CUL1: variants seen among roughly 807,000 people sequenced by gnomAD.
CUL1 encodes the protein cullin-1.
CUL1 carries 24 observed loss-of-function variants against 118.0 expected under a neutral mutation model. The ratio of observed to expected loss-of-function variants is 0.20; its 90% CI spans 0.15 to 0.29. The LOEUF is 0.29. Among genes scored for constraint, CUL1 ranks in the 10% least tolerant of loss-of-function variants. CUL1 has a pLI of 1.00. For missense variants in CUL1, 361 were observed against 933.8 expected, an observed-to-expected ratio of 0.39 and a Z score of 7.99; for synonymous variants, 332 against 340.4, an observed-to-expected ratio of 0.98 and a Z score of 0.27.
intron 11 of CUL1, 53 bp from the exon 12 acceptor site, chr7:148,786,498 C>T (rs1253404818): frequency 7.3e-7 from 1 of 1,371,432 alleles, no homozygotes; most frequent in Non-Finnish European, 1.0e-6. Flanking sequence ...CTAAGTGGTG[C>T]TTGTTTAAAC....
intron 1 of CUL1, among the ~76,000 whole-genome samples, chr7:148,721,664 T>A (rs1798400682): frequency 6.6e-6 from 1 of 152,226 alleles, no homozygotes; most frequent in South Asian, 2.1e-4. Flanking sequence ...TTCGTAGAAG[T>A]ACTCTTTTAA....
intron 2 of CUL1, among the ~76,000 whole-genome samples, chr7:148,734,963 A>G (rs1353833987): frequency 6.6e-6 from 1 of 151,632 alleles, no homozygotes; most frequent in African/African-American, 2.4e-5. Context: ...TGACGTTTCT[A>G]TTTGTCTTCC....
At chr7:148,711,518 A>G (rs911156135) in intron 1 of CUL1, among the ~76,000 whole-genome samples, 4 of 152,224 alleles carry the variant, frequency 2.6e-5, no homozygotes, top group Non-Finnish European at 5.9e-5. Context: ...CTTTAAAACA[A>G]AAAACATAAA....
At chr7:148,771,922 T>C (rs572420531) in intron 9 of CUL1, among the ~76,000 whole-genome samples, 1 of 152,274 alleles carries the variant, frequency 6.6e-6, no homozygotes, top group South Asian at 2.1e-4. Context: ...CACGTGGTCA[T>C]TTTAAAAAGA....
At position 148,746,938 on chromosome 7, in the gene CUL1, G is replaced by A. The variant is rs541237914; in HGVS notation, c.141-7038G>A. Among the ~76,000 whole-genome samples, 2 of 152,306 alleles carry A rather than the reference G, an allele frequency of 1.3e-5. 1 individual carries two copies. The highest frequency in any genetic ancestry group is 4.8e-5 in the African/African-American group (2 of 41,568). On this transcript the variant is annotated intron_variant, in intron 2 of 21. Coordinates refer to ENST00000325222, the MANE Select transcript of CUL1 (RefSeq NM_003592.3). ...TATCTTCAGGTGGACCCGAGAGTGG[G>A]TTTAACTAAGTTTGACAAATAGCTT... is the stretch of plus-strand genomic sequence containing the variant.
intron 2 of CUL1, among the ~76,000 whole-genome samples, chr7:148,747,781 A>G (rs983965599): frequency 6.6e-6 from 1 of 152,236 alleles, no homozygotes; most frequent in Non-Finnish European, 1.5e-5. Context: ...CATTAAAATT[A>G]AACACTAAAT....
intron 1 of CUL1, among the ~76,000 whole-genome samples, chr7:148,705,693 G>A (rs1391862443): frequency 6.6e-6 from 1 of 152,164 alleles, no homozygotes; most frequent in Admixed American, 6.5e-5. Flanking sequence ...TGGAATCCTA[G>A]ATGATGTCAA....
At chr7:148,728,140 T>C (rs1798645990) in intron 1 of CUL1, among the ~76,000 whole-genome samples, 1 of 152,184 alleles carries the variant, frequency 6.6e-6, no homozygotes, top group African/African-American at 2.4e-5. Flanking sequence ...CAGTTGAATG[T>C]GAAAGATGAG....
chr7:148,738,526 C>G (rs923746617), intron 2 of CUL1, among the ~76,000 whole-genome samples: 1 of 152,178 alleles, frequency 6.6e-6, no homozygotes, highest in Non-Finnish European at 1.5e-5. Context: ...TCCCCACCTG[C>G]CTGCGGAGGA....
intron 1 of CUL1, among the ~76,000 whole-genome samples, chr7:148,710,224 C>T (rs919583405): frequency 4.6e-5 from 7 of 152,124 alleles, no homozygotes; most frequent in South Asian, 2.1e-4. Context: ...GGGAAATTGA[C>T]TAGAAAATTT....
At chr7:148,764,830 C>T (rs1315325432) in intron 7 of CUL1, among the ~76,000 whole-genome samples, 1 of 152,142 alleles carries the variant, frequency 6.6e-6, no homozygotes, top group Non-Finnish European at 1.5e-5. Context: ...ACCTACAAGC[C>T]TGGGGCACTG....
At chr7:148,754,855 T>C (rs1187862783) in intron 3 of CUL1, among the ~76,000 whole-genome samples, 1 of 151,936 alleles carries the variant, frequency 6.6e-6, no homozygotes, top group Non-Finnish European at 1.5e-5. Context: ...CAAACAATCC[T>C]CCCGCCTTAG....
chr7:148,760,261 C>A, intron 6 of CUL1, 72 bp from the exon 7 acceptor site: 1 of 1,267,170 alleles, frequency 7.9e-7, no homozygotes, highest in Non-Finnish European at 1.1e-6. Flanking sequence ...CTGAATGCTA[C>A]ACCTAAGTAT....
intron 2 of CUL1, among the ~76,000 whole-genome samples, chr7:148,738,407 G>A (rs948951028): frequency 6.6e-6 from 1 of 152,170 alleles, no homozygotes; most frequent in Non-Finnish European, 1.5e-5. Flanking sequence ...ACAGAAGCAT[G>A]CCTTGGCAGA....
chr7:148,766,512 G>A (rs778226671), intron 7 of CUL1, 49 bp from the exon 8 acceptor site: 16 of 1,477,612 alleles, frequency 1.1e-5, no homozygotes, highest in South Asian at 1.3e-5. Flanking sequence ...AATTGTAACA[G>A]TTCTTTACCA....
chr7:148,744,423 TG>T (rs1443533559), intron 2 of CUL1, among the ~76,000 whole-genome samples: 10 of 138,106 alleles, frequency 7.2e-5, no homozygotes, highest in African/African-American at 2.6e-4. Flanking sequence ...TGTGTGTGTG[TG>T]TGTGTGTGTG....
intron 1 of CUL1, among the ~76,000 whole-genome samples, chr7:148,728,423 T>C (rs1798653781): frequency 6.6e-6 from 1 of 152,146 alleles, no homozygotes; most frequent in South Asian, 2.1e-4. Flanking sequence ...AATTAAGTGA[T>C]GGGGAAAGTA....
rs1459869213 is a variant in CUL1, at chr7:148,725,209, A to ACGCG, written c.-161-4752_-161-4751insGCGC. ...CACATGCGCGCGTGTACACACACAC[A>ACGCG]CACGCGCGCGCTCACACACACACAC... On this transcript the variant is annotated intron_variant, in intron 1 of 21. Coordinates refer to ENST00000325222, the MANE Select transcript of CUL1 (RefSeq NM_003592.3). Among the ~76,000 whole-genome samples the ACGCG allele has an allele frequency of 1.1e-3, 151 of 140,452 alleles. 4 individuals carry two copies. In the South Asian group the frequency reaches 0.019, roughly 18 times the overall value. The allele number at this position is 140,452 out of a possible 152,430, so 92.1% of individuals were successfully genotyped here. A position where few individuals can be genotyped will look rare whatever the true frequency, so the allele number is the denominator to read the frequency against.
At chr7:148,710,029 G>T (rs192400289) in intron 1 of CUL1, among the ~76,000 whole-genome samples, 207 of 152,272 alleles carry the variant, frequency 1.4e-3, no homozygotes, top group African/African-American at 4.6e-3. Context: ...AGATGTTGCA[G>T]TGAGCCGAGG....
Sources: allele counts gnomAD v4.1 joint callset (sites outside exome capture counted in the v4.1 genomes callset), GRCh38; gene constraint gnomAD v4.1.1; transcripts MANE v1.5; gene names NCBI Gene and HGNC (gene_info 2026-07-23, HGNC 2026-07-21).